The following ABCB4 variants were observed in gnomAD, a reference collection of about 807,000 sequenced individuals.
The protein encoded by ABCB4 is ATP binding cassette subfamily B member 4.
Under a neutral mutation model 145.7 loss-of-function variants are expected in ABCB4, and 76 were observed. The observed-to-expected ratio is 0.52, with a 90% confidence interval of 0.43 to 0.63. The LOEUF (loss-of-function observed/expected upper bound fraction) is 0.63. ABCB4 is among the 30% of genes least tolerant of loss of function. The pLI, the probability that ABCB4 is intolerant of heterozygous loss-of-function variation, is 0.00. For missense variants in ABCB4, 1,234 were observed against 1,553.1 expected (o/e 0.79, Z 3.45); for synonymous variants, 517 against 566.8 (o/e 0.91, Z 1.25).
intron 16 of ABCB4, among the ~76,000 whole-genome samples, chr7:87,426,520 G>A (rs191851507): frequency 2.0e-4 from 30 of 151,942 alleles, no homozygotes; most frequent in Admixed American, 1.1e-3. Context: ...GCATCTCAGC[G>A]TAAAGACTAC....
Position 87,443,407 on chromosome 7 carries a change from T to G in ABCB4, c.1268A>C (p.Gln423Pro), listed in dbSNP as rs1296218490. ...KGLNLKVQSG[Q>P]TVALVGSSGC... ...ACTACTTCCAACCAGGGCCACCGTC[T>G]GCCCACTCTGCACCTTCAGGTTGAG... The change falls in exon 12 of 28, where the codon CAG becomes CCG. Residue 423 changes from glutamine to proline, a missense_variant. Around this residue, in one of 7 missense-constraint regions of ABCB4, gnomAD observed 467 missense variants for 632.8 expected, o/e 0.74. Transcript: ENST00000649586. 1 of 1,614,010 alleles carries G rather than the reference T, an allele frequency of 6.2e-7. No individual in the cohort carries two copies. Among genetic ancestry groups the G allele is most frequent in the African/African-American group, 1.3e-5 (1 of 74,914 alleles).
chr7:87,392,755 C>G, the ABCB4 span: 1 of 1,613,682 alleles, frequency 6.2e-7, no homozygotes, highest in Middle Eastern at 1.7e-4. Flanking sequence ...TTTTAGGTCT[C>G]TTACTCATAG....
At chr7:87,384,108 A>C in the ABCB4 span, among the ~76,000 whole-genome samples, 1 of 152,138 alleles carries the variant, frequency 6.6e-6, no homozygotes, top group African/African-American at 2.4e-5. Flanking sequence ...TTTTGATAAA[A>C]GTGATTTTTA....
chr7:87,475,541 C>T, intron 1 of ABCB4, 70 bp from the exon 2 acceptor site: 4 of 1,513,556 alleles, frequency 2.6e-6, no homozygotes, highest in Non-Finnish European at 3.6e-6. Context: ...GTCGCGGGGC[C>T]CGGGGGCACT....
rs774536983 is a variant in ABCB4, at chr7:87,408,054, G to A, written c.3262C>T (p.Pro1088Ser). The A allele has an allele frequency of 4.3e-6, 7 of 1,613,814 alleles. No homozygotes were observed. The South Asian group carries it at 6.6e-5, about 15-fold the overall frequency. Residue 1088 changes from proline (P) to serine (S), a missense_variant, in exon 25 of 28, where the codon CCC (proline) becomes TCC (serine). Coordinates refer to ENST00000649586, the MANE Select transcript of ABCB4 (RefSeq NM_000443.4). ...GTGCTCACCACTGTCCCCGCCAAGG[G>A]GTCGTAGAACCGCTCCAGGAGCTGG... Reference protein sequence around the residue: ...VVQLLERFYDPLAGTVLLDGQ... With the variant: ...VVQLLERFYDSLAGTVLLDGQ...
chr7:87,394,266 A>G, the ABCB4 span, among the ~76,000 whole-genome samples: 1 of 152,206 alleles, frequency 6.6e-6, no homozygotes, highest in Non-Finnish European at 1.5e-5. Context: ...CATAATGCTA[A>G]TCATCTCTGC....
intron 6 of ABCB4, 145 bp downstream of exon 6, chr7:87,452,799 G>A: frequency 1.1e-6 from 1 of 946,750 alleles, no homozygotes; most frequent in East Asian, 2.6e-5. Flanking sequence ...TATAGATGCT[G>A]CTAGACATGG....
chr7:87,457,973 G>A (rs1457448799), intron 4 of ABCB4, among the ~76,000 whole-genome samples: 3 of 151,910 alleles, frequency 2.0e-5, no homozygotes, highest in Non-Finnish European at 4.4e-5. Context: ...ATCCAATTAT[G>A]TACTTTTAGT....
At chr7:87,409,697 C>A (rs1808470799) in intron 23 of ABCB4, among the ~76,000 whole-genome samples, 1 of 152,170 alleles carries the variant, frequency 6.6e-6, no homozygotes, top group African/African-American at 2.4e-5. Flanking sequence ...AGGCTTATAA[C>A]TGAATCTGAT....
chr7:87,442,051 TGAGTTATA>T lies in ABCB4; in HGVS notation c.1356+1260_1356+1267del, dbSNP rs558480384. 2.0e-4 allele frequency among the ~76,000 whole-genome samples: 31 copies of T among 152,302 alleles called. 1 individual carries two copies. The South Asian group carries it at 6.4e-3, about 32-fold the overall frequency. ...TCATGATGTTAACAGTGAATATCTC[TGAGTTATA>T]GAATTTCTGAAGATCTTTTTTTTCT... On this transcript the variant is annotated intron_variant, in intron 12 of 27. Coordinates refer to ENST00000649586, the MANE Select transcript of ABCB4 (RefSeq NM_000443.4).
At chr7:87,468,354 T>G (rs772813170) in intron 3 of ABCB4, among the ~76,000 whole-genome samples, 1 of 152,102 alleles carries the variant, frequency 6.6e-6, no homozygotes, top group Non-Finnish European at 1.5e-5. Context: ...AGGAAGAAGT[T>G]GAATCTCTGA....
Position 87,472,654 on chromosome 7 carries a change from C to T in ABCB4, c.102G>A (p.Thr34=), listed in dbSNP as rs1277340029. The T allele has an allele frequency of 4.4e-6, 7 of 1,608,646 alleles. No homozygotes were observed. Among genetic ancestry groups the T allele is most frequent in the African/African-American group, 2.7e-5 (2 of 74,782 alleles). Residue 34 remains threonine, a synonymous_variant, in exon 3 of 28, where the codon ACG becomes ACA. Coordinates refer to ENST00000649586, the MANE Select transcript of ABCB4 (RefSeq NM_000443.4). ...ATACTCCAATCATTTTCACTGTCTT[C>T]GTTTTTTTCCTTTTTTGTTTGCTGT... ...GISSKQKRKK[T]KTVKMIGVLT... is the part of the protein sequence containing the mutation.
chr7:87,457,581 G>C (rs1290696920), intron 4 of ABCB4, among the ~76,000 whole-genome samples: 1 of 152,188 alleles, frequency 6.6e-6, no homozygotes, highest in Non-Finnish European at 1.5e-5. Context: ...GACAGAGTGG[G>C]TTGTTTCATT....
At chr7:87,427,104 G>A (rs368554982) in intron 15 of ABCB4, among the ~76,000 whole-genome samples, 184 bp from the exon 16 acceptor site, 2 of 152,132 alleles carry the variant, frequency 1.3e-5, no homozygotes, top group South Asian at 2.1e-4. Flanking sequence ...ATAAAGTATA[G>A]AAAGGTTAAA....
intron 12 of ABCB4, among the ~76,000 whole-genome samples, 181 bp from the exon 13 acceptor site, chr7:87,440,583 T>C (rs2116692777): frequency 6.6e-6 from 1 of 152,348 alleles, no homozygotes; most frequent in Non-Finnish European, 1.5e-5. Context: ...TCCTGATATT[T>C]ATTTTCATAT....
intron 18 of ABCB4, among the ~76,000 whole-genome samples, chr7:87,420,906 A>T (rs17149574): frequency 6.6e-6 from 1 of 152,194 alleles, no homozygotes; most frequent in African/African-American, 2.4e-5. Flanking sequence ...TACTTCCAAT[A>T]AACCAGTTAA....
In ABCB4 at chr7:87,401,962, G is replaced by A. The variant is rs1292785481; in HGVS notation, c.*134C>T. 1 of 1,223,178 alleles carries A rather than the reference G, an allele frequency of 8.2e-7. No individual in the cohort carries two copies. The highest frequency in any genetic ancestry group is 1.5e-5 in the African/African-American group (1 of 66,786). 75.8% of individuals were successfully genotyped at this position (1,223,178 alleles called of 1,614,324 possible). A position where few individuals can be genotyped will look rare whatever the true frequency, so the allele number is the denominator to read the frequency against. ...CAAATGCCGTAATAAACCCCAAATTGGGTCTTCTAAATTGATCTAGAATGA... is the reference window on the plus strand; with the variant it reads ...CAAATGCCGTAATAAACCCCAAATTAGGTCTTCTAAATTGATCTAGAATGA... On this transcript the variant is annotated 3_prime_UTR_variant, in exon 28 of 28. Transcript: ENST00000649586.
intron 4 of ABCB4, 105 bp from the exon 5 acceptor site, chr7:87,454,697 G>T (rs988708597): frequency 9.5e-6 from 8 of 842,140 alleles, no homozygotes; most frequent in African/African-American, 1.7e-5. Context: ...AAAGCTAGAA[G>T]ATGCTATTGT....
At chr7:87,435,118 C>T (rs894857517) in intron 14 of ABCB4, among the ~76,000 whole-genome samples, 1 of 152,200 alleles carries the variant, frequency 6.6e-6, no homozygotes, top group African/African-American at 2.4e-5. Context: ...TGAAATTCAA[C>T]TTTTCATCAT....
Sources: gnomAD v4.1 joint callset for allele counts (sites outside exome capture counted in the v4.1 genomes callset) on GRCh38, gnomAD v4.1.1 for gene constraint, gnomAD v4.1.1 regional missense constraint, MANE v1.5 for transcripts, NCBI Gene and HGNC (gene_info 2026-07-23, HGNC 2026-07-21) for gene names.